CSMD1: variants seen among roughly 807,000 people sequenced by gnomAD.
CSMD1 encodes the protein CUB and sushi domain-containing protein 1.
In CSMD1, 213 loss-of-function variants were observed where a neutral mutation model predicts 417.5. The observed-to-expected ratio is 0.51, with a 90% CI of 0.46 to 0.57. The LOEUF (loss-of-function observed/expected upper bound fraction) is 0.57, where lower values mean the gene tolerates loss of function less well. Among genes scored for constraint, CSMD1 ranks in the 20% least tolerant of loss-of-function variants. The pLI, the probability that CSMD1 is intolerant of heterozygous loss-of-function variation, is 0.00. For synonymous variants in CSMD1, 2,862 were observed against 1,736.8 expected, an observed-to-expected ratio of 1.65 and a Z score of -16.11; for missense variants, 6,923 against 4,529.7, an observed-to-expected ratio of 1.53 and a Z score of -15.17.
intron 12 of CSMD1, among the ~76,000 whole-genome samples, chr8:3,435,815 G>C (rs894885787): frequency 6.6e-6 from 1 of 152,200 alleles, no homozygotes; most frequent in Non-Finnish European, 1.5e-5. Context: ...TGATTGCAGA[G>C]TGACAAGAGA....
intron 2 of CSMD1, among the ~76,000 whole-genome samples, chr8:4,612,260 A>G (rs544271630): frequency 4.4e-4 from 67 of 152,334 alleles, no homozygotes; most frequent in African/African-American, 1.5e-3. Flanking sequence ...TGTGATAAAA[A>G]TAAATGAAGA....
chr8:4,446,417 G>A (rs1292891196), intron 2 of CSMD1, among the ~76,000 whole-genome samples: 1 of 152,126 alleles, frequency 6.6e-6, no homozygotes, highest in Admixed American at 6.5e-5. Flanking sequence ...GGGTGGTGGT[G>A]CACACCTGTA....
At chr8:3,937,168 C>A (rs571312899) in intron 5 of CSMD1, among the ~76,000 whole-genome samples, 1 of 152,126 alleles carries the variant, frequency 6.6e-6, no homozygotes, top group Non-Finnish European at 1.5e-5. Context: ...TAGATGAAAT[C>A]TACTCCTGGT....
intron 5 of CSMD1, among the ~76,000 whole-genome samples, chr8:3,815,551 G>C (rs1801322583): frequency 6.6e-6 from 1 of 151,168 alleles, no homozygotes; most frequent in African/African-American, 2.4e-5. Context: ...AAAAAACTGT[G>C]CTTTTGAAAA....
chr8:4,834,704 C>G (rs777322958), intron 1 of CSMD1, among the ~76,000 whole-genome samples: 2 of 151,764 alleles, frequency 1.3e-5, no homozygotes, highest in Non-Finnish European at 2.9e-5. Flanking sequence ...CTCCTGTAAT[C>G]CCAGCACTTT....
chr8:4,892,123 AT>A (rs1224315199), intron 1 of CSMD1, among the ~76,000 whole-genome samples: 1 of 151,904 alleles, frequency 6.6e-6, no homozygotes, highest in East Asian at 1.9e-4. Flanking sequence ...TCACAGGGAA[AT>A]TTTTTTTCCC....
Position 3,875,161 on chromosome 8 carries a change from G to C in CSMD1, c.819-121119C>G, listed in dbSNP as rs201922732. Among the ~76,000 whole-genome samples, 5 of 152,250 alleles carry C rather than the reference G, an allele frequency of 3.3e-5. No individual in the cohort carries two copies. In the East Asian group the frequency reaches 9.7e-4, roughly 29 times the overall value. ...TTACTCGATGTAAAATGCGACACTG[G>C]GGAATGGACTGTAGCGCAGTGGGGA... On this transcript the variant is annotated intron_variant, in intron 5 of 69. Transcript: ENST00000635120.
chr8:4,328,419 T>C (rs1799679461), intron 3 of CSMD1, among the ~76,000 whole-genome samples: 1 of 152,044 alleles, frequency 6.6e-6, no homozygotes, highest in Non-Finnish European at 1.5e-5. Flanking sequence ...TGAGTAGTTT[T>C]AATTTCTTAA....
Position 4,066,068 on chromosome 8 carries a change from G to A in CSMD1, c.416-33969C>T, listed in dbSNP as rs541776979. Among the ~76,000 whole-genome samples the A allele has an allele frequency of 4.3e-4, 65 of 152,320 alleles. 1 individual carries two copies. The highest frequency in any genetic ancestry group is 3.4e-3 in the Middle Eastern group (1 of 294). On this transcript the variant is annotated intron_variant, in intron 3 of 69. Coordinates refer to ENST00000635120, the MANE Select transcript of CSMD1 (RefSeq NM_033225.6). ...AAAGGAATGGGAAAGCCTGGAATAG[G>A]TGGCTCATTTACAAAACAATGAAAA... is the stretch of plus-strand genomic sequence containing the variant.
In CSMD1 at chr8:4,177,279, C is replaced by T. The variant is rs1584963603; in HGVS notation, c.416-145180G>A. 2.0e-5 allele frequency among the ~76,000 whole-genome samples: 3 copies of T among 152,102 alleles called. 1 individual carries two copies. Among genetic ancestry groups the T allele is most frequent in the South Asian group, 4.2e-4 (2 of 4,816 alleles). On this transcript the variant is annotated intron_variant, in intron 3 of 69. Coordinates refer to ENST00000635120, the MANE Select transcript of CSMD1 (RefSeq NM_033225.6). ...CTAGAACTCAGGATTAAGAAACTCA[C>T]TCAAAACCGCTCAACTACATGGAAA...
At chr8:3,950,031 G>A (rs11786061) in intron 5 of CSMD1, 89,262 of 455,406 alleles carry the variant, frequency 0.2, 9,774 homozygotes, top group East Asian at 0.33. Context: ...TTTCCTGTGC[G>A]TATTTGCTGT....
intron 3 of CSMD1, among the ~76,000 whole-genome samples, chr8:4,180,095 A>G (rs979783097): frequency 6.6e-6 from 1 of 152,120 alleles, no homozygotes; most frequent in African/African-American, 2.4e-5. Flanking sequence ...CCCAAAGACT[A>G]TAAATCATGC....
At chr8:4,329,467 C>A (rs1474705815) in intron 3 of CSMD1, among the ~76,000 whole-genome samples, 4 of 152,026 alleles carry the variant, frequency 2.6e-5, no homozygotes, top group Non-Finnish European at 5.9e-5. Context: ...TTTGTATTTT[C>A]AGGATAGACG....
chr8:3,247,009 T>C (rs1338168379), intron 26 of CSMD1, among the ~76,000 whole-genome samples: 1 of 152,200 alleles, frequency 6.6e-6, no homozygotes, highest in East Asian at 1.9e-4. Flanking sequence ...CCTTTGTGGA[T>C]GCAAGTGAAC....
chr8:4,459,730 G>A (rs1457949270), intron 2 of CSMD1, among the ~76,000 whole-genome samples: 1 of 152,146 alleles, frequency 6.6e-6, no homozygotes, highest in African/African-American at 2.4e-5. Context: ...GAAGCAATCA[G>A]GTGGAAATTT....
chr8:4,063,626 C>T (rs897917105), intron 3 of CSMD1, among the ~76,000 whole-genome samples: 7 of 152,156 alleles, frequency 4.6e-5, no homozygotes, highest in Admixed American at 1.3e-4. Context: ...CAGCGGCTTC[C>T]AGCAGTGGAC....
chr8:4,049,923 A>G (rs1239435127), intron 3 of CSMD1, among the ~76,000 whole-genome samples: 1 of 145,606 alleles, frequency 6.9e-6, no homozygotes, highest in Non-Finnish European at 1.5e-5. Flanking sequence ...ATCCATTCGG[A>G]TACCACACTG....
intron 2 of CSMD1, among the ~76,000 whole-genome samples, chr8:4,516,303 C>A (rs968017165): frequency 2.0e-5 from 3 of 152,160 alleles, no homozygotes; most frequent in African/African-American, 7.2e-5. Context: ...ACACCGTGAT[C>A]TTGGACTTCT....
At chr8:3,801,358 G>T (rs1312053595) in intron 5 of CSMD1, among the ~76,000 whole-genome samples, 1 of 152,046 alleles carries the variant, frequency 6.6e-6, no homozygotes, top group African/African-American at 2.4e-5. Flanking sequence ...CCCATGAAAA[G>T]ATGCTAAAGA....
Sources: allele counts gnomAD v4.1 joint callset (sites outside exome capture counted in the v4.1 genomes callset), GRCh38; gene constraint gnomAD v4.1.1; transcripts MANE v1.5; gene names NCBI Gene and HGNC (gene_info 2026-07-23, HGNC 2026-07-21).